The following LDLRAD4 variants were observed in gnomAD, a reference collection of about 807,000 sequenced individuals.
LDLRAD4 encodes the protein low density lipoprotein receptor class A domain containing 4.
Under a neutral mutation model 17.0 loss-of-function variants are expected in LDLRAD4, and 5 were observed. The ratio of observed to expected loss-of-function variants is 0.29; its 90% confidence interval spans 0.15 to 0.62. The LOEUF is 0.62. LDLRAD4 is among the 20% of genes least tolerant of loss of function. The pLI is 0.84. For synonymous variants in LDLRAD4, 168 were observed against 171.8 expected (o/e 0.98, Z 0.17); for missense variants, 340 against 424.7 (o/e 0.80, Z 1.75).
At chr18:13,430,592 CAGGG>C (rs2090269118) in intron 2 of LDLRAD4, among the ~76,000 whole-genome samples, 1 of 152,182 alleles carries the variant, frequency 6.6e-6, no homozygotes, top group Admixed American at 6.5e-5. Flanking sequence ...GTGTCTTGAT[CAGGG>C]TGCTGGTTAC....
At chr18:13,368,890 G>A (rs2084261036) in intron 1 of LDLRAD4, among the ~76,000 whole-genome samples, 2 of 152,224 alleles carry the variant, frequency 1.3e-5, no homozygotes, top group Non-Finnish European at 2.9e-5. Context: ...GGGCCATGGG[G>A]AAGGTGGCAG....
In LDLRAD4 at chr18:13,297,409, G is replaced by C. The variant is rs558061463; in HGVS notation, c.-383+19221G>C. 2.6e-5 allele frequency among the ~76,000 whole-genome samples: 4 copies of C among 152,308 alleles called. No individual in the cohort carries two copies. In the East Asian group the frequency reaches 7.7e-4, roughly 29 times the overall value. On this transcript the variant is annotated intron_variant, in intron 1 of 5. Transcript: ENST00000359446. ...CATTACCTACCAGAGCTGCTGGCCAGCACAGGCACTTTCTGGAAGGGGAGC... is the reference window on the plus strand; with the variant it reads ...CATTACCTACCAGAGCTGCTGGCCACCACAGGCACTTTCTGGAAGGGGAGC...
chr18:13,560,850 G>A (rs879276332), intron 3 of LDLRAD4, among the ~76,000 whole-genome samples: 4 of 152,220 alleles, frequency 2.6e-5, no homozygotes, highest in African/African-American at 7.2e-5. Flanking sequence ...GCAGACCTGC[G>A]GTTGAAATGA....
chr18:13,326,172 T>C (rs2081525258), intron 1 of LDLRAD4, among the ~76,000 whole-genome samples: 1 of 152,146 alleles, frequency 6.6e-6, no homozygotes, highest in South Asian at 2.1e-4. Context: ...AGGGTGCATC[T>C]GGAAAAATAC....
At chr18:13,450,833 G>A (rs1380141834) in intron 3 of LDLRAD4, among the ~76,000 whole-genome samples, 4 of 152,204 alleles carry the variant, frequency 2.6e-5, no homozygotes, top group African/African-American at 9.7e-5. Flanking sequence ...GTGTCGTGGG[G>A]AGACGCCTGG....
intron 3 of LDLRAD4, among the ~76,000 whole-genome samples, chr18:13,476,585 C>T (rs886403680): frequency 6.6e-6 from 1 of 150,390 alleles, no homozygotes. Context: ...GATTACACCA[C>T]TGTACTCCAG....
chr18:13,442,368 A>G (rs1430162493), intron 3 of LDLRAD4, among the ~76,000 whole-genome samples: 4 of 152,176 alleles, frequency 2.6e-5, no homozygotes, highest in Admixed American at 2.6e-4. Context: ...TGGTTGGATT[A>G]GTGGTCACAG....
At chr18:13,406,716 C>T (rs1379143503) in intron 2 of LDLRAD4, among the ~76,000 whole-genome samples, 1 of 152,162 alleles carries the variant, frequency 6.6e-6, no homozygotes, top group Non-Finnish European at 1.5e-5. Flanking sequence ...GGGGCCGACT[C>T]CTACTAGGCC....
intron 1 of LDLRAD4, among the ~76,000 whole-genome samples, chr18:13,306,757 A>G (rs1267866115): frequency 6.6e-6 from 1 of 152,238 alleles, no homozygotes; most frequent in Non-Finnish European, 1.5e-5. Context: ...GCATGACTTC[A>G]TGGGATTTGC....
chr18:13,416,865 ACT>A (rs1297104633), intron 2 of LDLRAD4, among the ~76,000 whole-genome samples: 3 of 152,308 alleles, frequency 2.0e-5, no homozygotes, highest in Admixed American at 6.5e-5. Context: ...CTTACATAAT[ACT>A]CTCTGTGCCA....
intron 3 of LDLRAD4, among the ~76,000 whole-genome samples, chr18:13,446,365 G>A (rs900269009): frequency 1.3e-5 from 2 of 152,164 alleles, no homozygotes; most frequent in Non-Finnish European, 2.9e-5. Context: ...GTTCTTAAAA[G>A]GCTTGAAGGG....
intron 1 of LDLRAD4, among the ~76,000 whole-genome samples, chr18:13,247,671 C>T (rs761803914): frequency 1.2e-4 from 19 of 152,238 alleles, no homozygotes; most frequent in Admixed American, 5.2e-4. Context: ...GCACCCTCCA[C>T]GCACGCACAG....
At chr18:13,240,434 G>C (rs1219134380) in intron 1 of LDLRAD4, 3 of 152,334 alleles carry the variant, frequency 2.0e-5, no homozygotes, top group Admixed American at 1.3e-4. Context: ...TGGCCATCCT[G>C]TGGGTTCTTT....
At chr18:13,342,597 A>G (rs980600441) in intron 1 of LDLRAD4, among the ~76,000 whole-genome samples, 18 of 140,822 alleles carry the variant, frequency 1.3e-4, no homozygotes, top group African/African-American at 4.7e-4. Context: ...TTTGTCCCTT[A>G]TAATAGTTTT....
At chr18:13,288,306 C>T (rs868159357) in intron 1 of LDLRAD4, among the ~76,000 whole-genome samples, 16 of 152,140 alleles carry the variant, frequency 1.1e-4, no homozygotes, top group South Asian at 4.1e-4. Flanking sequence ...TTAGCTTAGC[C>T]AAAATTACAC....
chr18:13,534,218 G>A (rs761652715), intron 3 of LDLRAD4, among the ~76,000 whole-genome samples: 4 of 152,152 alleles, frequency 2.6e-5, no homozygotes, highest in Non-Finnish European at 4.4e-5. Context: ...AATGTGGCCT[G>A]CATATGAATA....
rs115726673 is a variant in LDLRAD4 at position 13,558,862 on chromosome 18, C to T, written c.182-62255C>T. 9.6e-3 allele frequency among the ~76,000 whole-genome samples: 1,462 copies of T among 152,096 alleles called. 23 individuals are homozygous for T. The highest frequency in any genetic ancestry group is 0.034 in the African/African-American group (1,396 of 41,458). On this transcript the variant is annotated intron_variant, in intron 3 of 5. Transcript: ENST00000359446. ...TGATCAACAGTAAGCATTACATAACCTTGAATTCTCCCACCCAGCCCTCCC... is the reference window on the plus strand; with the variant it reads ...TGATCAACAGTAAGCATTACATAACTTTGAATTCTCCCACCCAGCCCTCCC...
chr18:13,528,675 G>A (rs1025651011), intron 3 of LDLRAD4, among the ~76,000 whole-genome samples: 4 of 152,148 alleles, frequency 2.6e-5, no homozygotes, highest in East Asian at 1.9e-4. Context: ...TATAATTTAC[G>A]TAAGTTTGCA....
Position 13,398,656 on chromosome 18 carries a change from T to C in LDLRAD4, c.40+10894T>C, listed in dbSNP as rs1022769715. 6.6e-6 allele frequency among the ~76,000 whole-genome samples: 1 copy of C among 152,026 alleles called. No individual in the cohort carries two copies. The highest frequency in any genetic ancestry group is 1.5e-5 in the Non-Finnish European group (1 of 67,996). ...CTCCCTCTAACAACTTGATATGTAG[T>C]GATCAATGCTCTGTTGATGTGGGTT... On this transcript the variant is annotated intron_variant, in intron 2 of 5. Transcript: ENST00000359446. The surrounding 1 kb of genome is among the most constrained non-coding windows in gnomAD (Gnocchi z 4.8).
Sources: gnomAD v4.1 joint callset for allele counts (sites outside exome capture counted in the v4.1 genomes callset) on GRCh38, gnomAD v4.1.1 for gene constraint, Gnocchi (gnomAD v3.1) non-coding constraint, MANE v1.5 for transcripts, NCBI Gene and HGNC (gene_info 2026-07-23, HGNC 2026-07-21) for gene names.